VWA2: variants seen among roughly 807,000 people sequenced by gnomAD.
VWA2 encodes the protein von Willebrand factor A domain-containing protein 2.
A neutral mutation model predicts 70.4 loss-of-function variants in VWA2; 73 were observed. The ratio of observed to expected loss-of-function variants is 1.04; its 90% CI spans 0.86 to 1.26. The LOEUF is 1.26. Ranked by LOEUF, VWA2 falls within the 50% of genes most tolerant of loss-of-function variation. The pLI, the probability that VWA2 is intolerant of heterozygous loss-of-function variation, is 0.00. For missense variants in VWA2, 1,011 were observed against 998.5 expected (o/e 1.01, Z -0.17); for synonymous variants, 407 against 423.3 (o/e 0.96, Z 0.47).
intron 11 of VWA2, among the ~76,000 whole-genome samples, chr10:114,287,741 G>A (rs2039091047): frequency 1.3e-5 from 2 of 152,184 alleles, no homozygotes; most frequent in South Asian, 4.1e-4. Context: ...ATTGACAATA[G>A]TGGAGAGTTC....
At chr10:114,260,022 G>C (rs1202365139) in intron 4 of VWA2, among the ~76,000 whole-genome samples, 1 of 152,214 alleles carries the variant, frequency 6.6e-6, no homozygotes, top group African/African-American at 2.4e-5. Flanking sequence ...GGCAGCGAGG[G>C]AATTCAAGTG....
At chr10:114,253,593 A>G (rs2037253621) in intron 2 of VWA2, 58 bp from the exon 3 acceptor site, 1 of 1,482,368 alleles carries the variant, frequency 6.7e-7, no homozygotes, top group African/African-American at 1.5e-5. Flanking sequence ...TAATGTGGAG[A>G]TTGAGCCTCC....
intron 1 of VWA2, chr10:114,246,230 G>A (rs1589735897): frequency 2.1e-6 from 2 of 939,920 alleles, no homozygotes; most frequent in Non-Finnish European, 1.7e-6. Flanking sequence ...GCTGGGCATG[G>A]TGGCTCACGC....
rs758112443 is a variant in VWA2, at chr10:114,254,871, C to A, written c.128-44C>A. 1.3e-5 allele frequency: 21 copies of A among 1,597,696 alleles called. No homozygotes were observed. The South Asian group carries it at 2.2e-4, about 17-fold the overall frequency. ...CCTTCACTCTGCTTCAGAAGTGAGA[C>A]CGACTTGCTCCTGGTTGTCATCTGT... On this transcript the variant is annotated intron_variant, in intron 3 of 13. Transcript: ENST00000392982.
intron 8 of VWA2, chr10:114,281,207 T>C (rs1373733277): frequency 1.3e-5 from 2 of 152,238 alleles, no homozygotes; most frequent in African/African-American, 4.8e-5. Context: ...CTTTAGGGAA[T>C]GTTTCTGCCA....
intron 2 of VWA2, among the ~76,000 whole-genome samples, chr10:114,250,757 A>C (rs1026635527): frequency 1.3e-5 from 2 of 152,168 alleles, no homozygotes; most frequent in Non-Finnish European, 2.9e-5. Context: ...TTCATGGCCA[A>C]GGGGTTGGGG....
rs1204785337 is a variant in VWA2, at chr10:114,291,895, G to C, written c.*658G>C. 2.0e-5 allele frequency among the ~76,000 whole-genome samples: 3 copies of C among 152,176 alleles called. No individual in the cohort carries two copies. Among genetic ancestry groups the C allele is most frequent in the Non-Finnish European group, 4.4e-5 (3 of 68,040 alleles). ...CCAGCTTGTTTGATGATGGGGGAGG[G>C]GCTGAGTGTGCAATGGGCCCAGGTC... is the stretch of plus-strand genomic sequence containing the variant. On this transcript the variant is annotated 3_prime_UTR_variant, in exon 14 of 14. Transcript: ENST00000392982.
chr10:114,248,422 A>G (rs2037120768), intron 1 of VWA2, among the ~76,000 whole-genome samples: 1 of 152,152 alleles, frequency 6.6e-6, no homozygotes, highest in Non-Finnish European at 1.5e-5. Flanking sequence ...AGAGCAGGAG[A>G]GCACACCTTC....
At chr10:114,277,253 G>A (rs1383256067) in intron 6 of VWA2, among the ~76,000 whole-genome samples, 2 of 129,368 alleles carry the variant, frequency 1.5e-5, no homozygotes, top group African/African-American at 3.0e-5. Flanking sequence ...GCACAATCTC[G>A]GCTCACTGCA....
intron 6 of VWA2, among the ~76,000 whole-genome samples, chr10:114,275,593 T>A (rs551497521): frequency 1.3e-5 from 2 of 152,306 alleles, no homozygotes; most frequent in South Asian, 2.1e-4. Context: ...TTGGTTTTTT[T>A]TCCCCCAGAT....
intron 2 of VWA2, among the ~76,000 whole-genome samples, chr10:114,249,317 C>T (rs1048134728): frequency 3.9e-5 from 6 of 152,072 alleles, no homozygotes; most frequent in East Asian, 1.9e-4. Flanking sequence ...AGTGCAATGG[C>T]GCAATCTCTG....
intron 8 of VWA2, 107 bp from the exon 9 acceptor site, chr10:114,282,409 C>T: frequency 1.1e-6 from 1 of 882,518 alleles, no homozygotes; most frequent in Non-Finnish European, 1.9e-6. Flanking sequence ...TTTCTTACTT[C>T]TGCATTGGAA....
At chr10:114,256,903 C>A (rs1449667389) in intron 4 of VWA2, among the ~76,000 whole-genome samples, 3 of 134,402 alleles carry the variant, frequency 2.2e-5, no homozygotes, top group Admixed American at 7.6e-5. Context: ...GAGTGAAACA[C>A]CGTCTCAAAA....
chr10:114,282,801 T>C (rs1007985427), intron 9 of VWA2, among the ~76,000 whole-genome samples: 2 of 152,166 alleles, frequency 1.3e-5, no homozygotes, highest in African/African-American at 4.8e-5. Flanking sequence ...ACCAGTGTTG[T>C]GTGCATTGGT....
intron 11 of VWA2, among the ~76,000 whole-genome samples, chr10:114,286,951 C>G: frequency 6.6e-6 from 1 of 152,202 alleles, no homozygotes; most frequent in Non-Finnish European, 1.5e-5. Context: ...CATACACACA[C>G]GGATGCATGT....
chr10:114,279,248 G>A (rs1293335734), intron 8 of VWA2, among the ~76,000 whole-genome samples: 1 of 152,168 alleles, frequency 6.6e-6, no homozygotes, highest in African/African-American at 2.4e-5. Context: ...ATGAATTCCA[G>A]TCAGGGAGGC....
Position 114,286,260 on chromosome 10 carries a change from C to T in VWA2, c.1319C>T (p.Thr440Ile), listed in dbSNP as rs762108937. ...CGTGGCTTCGGGAGCGCCACCAGGA[C>T]AGGCCAGGACCGGCCACGTAGAGTG... Reference protein sequence around the residue: ...AERGFGSATRTGQDRPRRVVV... With the variant: ...AERGFGSATRIGQDRPRRVVV... The change falls in exon 11 of 14, where the codon ACA (threonine) becomes ATA (isoleucine). Residue 440 changes from threonine to isoleucine, a missense_variant. Transcript: ENST00000392982. 6.2e-7 allele frequency: 1 copy of T among 1,611,122 alleles called. No individual in the cohort carries two copies. Among genetic ancestry groups the T allele is most frequent in the South Asian group, 1.1e-5 (1 of 90,778 alleles).
chr10:114,246,801 G>T lies in VWA2; in HGVS notation c.-10-1903G>T, dbSNP rs7074528. The T allele has an allele frequency of 8.9e-4, 943 of 1,060,476 alleles. 5 individuals carry two copies. Among genetic ancestry groups the T allele is most frequent in the Middle Eastern group, 8.4e-3 (28 of 3,344 alleles). 65.7% of individuals were successfully genotyped at this position (1,060,476 alleles called of 1,614,324 possible). ...TGCTACTAAAATTTATTTTACCATT[G>T]ACTGCTGCCCTCAATCTAGAGCGCT... is the stretch of plus-strand genomic sequence containing the variant. On this transcript the variant is annotated intron_variant, in intron 1 of 13. Coordinates refer to ENST00000392982, the MANE Select transcript of VWA2 (RefSeq NM_001272046.2).
At chr10:114,286,807 T>C (rs946411185) in intron 11 of VWA2, among the ~76,000 whole-genome samples, 4 of 152,202 alleles carry the variant, frequency 2.6e-5, no homozygotes, top group Non-Finnish European at 5.9e-5. Flanking sequence ...TCATTCTTAA[T>C]CACGATTTTA....
Sources: allele counts gnomAD v4.1 joint callset (sites outside exome capture counted in the v4.1 genomes callset), GRCh38; gene constraint gnomAD v4.1.1; transcripts MANE v1.5; gene names NCBI Gene and HGNC (gene_info 2026-07-23, HGNC 2026-07-21).